Variants in DEFB121 observed in about 807,000 individuals in gnomAD.
DEFB121 encodes the protein defensin beta 121.
Under a neutral mutation model 2.5 loss-of-function variants are expected in DEFB121, and 5 were observed. The observed-to-expected ratio is 1.96, with a 90% confidence interval of 1.03 to 4.13. DEFB121 has a LOEUF of 4.13. Among genes scored for constraint, DEFB121 ranks in the 30% most tolerant of loss-of-function variants. The pLI is 0.00. For missense variants in DEFB121, 87 were observed against 85.0 expected (o/e 1.02, Z -0.09); for synonymous variants, 39 against 32.6 (o/e 1.20, Z -0.67).
chr20:31,406,021 G>A, intron 1 of DEFB121, 74 bp downstream of exon 1: 1 of 1,540,182 alleles, frequency 6.5e-7, no homozygotes, highest in Non-Finnish European at 8.9e-7. Flanking sequence ...AGCCCAACCT[G>A]TCAGAGTCCC....
chr20:31,415,327 G>A (rs1159164260), upstream of DEFB121, among the ~76,000 whole-genome samples: 1 of 150,158 alleles, frequency 6.7e-6, no homozygotes, highest in East Asian at 2.0e-4. Flanking sequence ...TCGGCTCACT[G>A]TAACGTCCGC....
At chr20:31,417,580 A>T (rs1161980333), upstream of DEFB121, among the ~76,000 whole-genome samples, 6 of 152,174 alleles carry the variant, frequency 3.9e-5, no homozygotes, top group African/African-American at 1.4e-4. Context: ...GTAAAGGAAG[A>T]TTGTCCTAAA....
In DEFB121 at chr20:31,412,417, T is replaced by G. The variant is rs540826477; in HGVS notation, n.217+205A>C. Among the ~76,000 whole-genome samples, 60 of 152,346 alleles carry G rather than the reference T, an allele frequency of 3.9e-4. 1 individual carries two copies. Among genetic ancestry groups the G allele is most frequent in the Non-Finnish European group, 6.5e-4 (44 of 68,030 alleles). ...GGGTTCAAATCCTCACTTTGCCACA[T>G]ATTAGCCATGTGACTTTGAACAAGT... is the stretch of plus-strand genomic sequence containing the variant. On this transcript the variant is annotated intron_variant and non_coding_transcript_variant, in intron 1 of 1. Transcript: ENST00000376312.
At chr20:31,413,936 G>A (rs918138472), upstream of DEFB121, among the ~76,000 whole-genome samples, 1 of 152,194 alleles carries the variant, frequency 6.6e-6, no homozygotes, top group Non-Finnish European at 1.5e-5. Flanking sequence ...GGCGGGGTAA[G>A]GTGGCTCACG....
upstream of DEFB121, among the ~76,000 whole-genome samples, chr20:31,415,449 C>T (rs1163343453): frequency 6.6e-6 from 1 of 152,042 alleles, no homozygotes; most frequent in Non-Finnish European, 1.5e-5. Flanking sequence ...AGGGTTTCAC[C>T]ATGTTGGCCA....
At chr20:31,418,281 A>AAG in the DEFB121 span, among the ~76,000 whole-genome samples, 1 of 148,794 alleles carries the variant, frequency 6.7e-6, no homozygotes, top group African/African-American at 2.4e-5. Context: ...AAAAAAAAAA[A>AAG]AGAAAAAAGG....
upstream of DEFB121, among the ~76,000 whole-genome samples, chr20:31,416,630 T>C (rs1290943260): frequency 6.6e-6 from 1 of 152,154 alleles, no homozygotes; most frequent in Non-Finnish European, 1.5e-5. Flanking sequence ...CTTCCAGCAA[T>C]GGAAAAATCA....
upstream of DEFB121, among the ~76,000 whole-genome samples, chr20:31,414,293 C>CAAAGGAAGG (rs988280654): frequency 6.6e-6 from 1 of 151,360 alleles, no homozygotes; most frequent in African/African-American, 2.4e-5. Flanking sequence ...GAAAGGAAGG[C>CAAAGGAAGG]AAAGGAAGGA....
upstream of DEFB121, among the ~76,000 whole-genome samples, chr20:31,413,712 G>A (rs1345413966): frequency 2.0e-5 from 3 of 152,192 alleles, no homozygotes; most frequent in Admixed American, 6.5e-5. Flanking sequence ...CACTGGCTAC[G>A]ACAGTGACAT....
chr20:31,417,140 G>C (rs13041259), upstream of DEFB121, among the ~76,000 whole-genome samples: 1,097 of 152,246 alleles, frequency 7.2e-3, 16 homozygotes, highest in Admixed American at 0.034. Flanking sequence ...GAGGTCAGGA[G>C]TTCAAGACCA....
chr20:31,406,534 C>G (rs1978487760), upstream of DEFB121, among the ~76,000 whole-genome samples: 1 of 152,154 alleles, frequency 6.6e-6, no homozygotes, highest in Non-Finnish European at 1.5e-5. Context: ...TTCTCTGCGC[C>G]TTGGGTTCTT....
chr20:31,410,606 A>G (rs1003008738), upstream of DEFB121, among the ~76,000 whole-genome samples: 4 of 152,178 alleles, frequency 2.6e-5, no homozygotes, highest in Non-Finnish European at 5.9e-5. Context: ...ACAGAGGACT[A>G]AAATAAAGTG....
chr20:31,417,406 T>C (rs546921621), upstream of DEFB121, among the ~76,000 whole-genome samples: 2 of 151,794 alleles, frequency 1.3e-5, no homozygotes, highest in South Asian at 2.1e-4. Context: ...AGTACAAAGA[T>C]GAAATTTCCA....
At chr20:31,414,888 T>TA (rs1476205937), upstream of DEFB121, among the ~76,000 whole-genome samples, 1 of 152,038 alleles carries the variant, frequency 6.6e-6, no homozygotes, top group Non-Finnish European at 1.5e-5. Context: ...TTGTCTCTAT[T>TA]AAAAATAAAA....
At position 31,406,126 on chromosome 20, in the gene DEFB121, A is replaced by G; in HGVS notation, c.27T>C (p.Thr9=). 3 of 1,614,184 alleles carry G rather than the reference A, an allele frequency of 1.9e-6. No individual in the cohort carries two copies. Among genetic ancestry groups the G allele is most frequent in the Non-Finnish European group, 2.5e-6 (3 of 1,180,006 alleles). The part of the protein sequence containing the change: MKLLLLLL[T]VTLLLAQVTP... ...TGACCTGGGCCAGGAGCAGAGTAACAGTCAAAAGCAGAAGAAGGAGCTTCA... is the reference window on the plus strand; with the variant it reads ...TGACCTGGGCCAGGAGCAGAGTAACGGTCAAAAGCAGAAGAAGGAGCTTCA... Residue 9 remains threonine (T), a synonymous_variant, in exon 1 of 2, where the codon ACT becomes ACC. Transcript: ENST00000376314.
At chr20:31,408,988 T>C (rs560910188), upstream of DEFB121, among the ~76,000 whole-genome samples, 4 of 151,420 alleles carry the variant, frequency 2.6e-5, no homozygotes, top group South Asian at 4.2e-4. Flanking sequence ...ATGGTGCCAT[T>C]GCACTCCAGC....
chr20:31,417,188 T>C (rs1600536215), upstream of DEFB121, among the ~76,000 whole-genome samples: 1 of 151,950 alleles, frequency 6.6e-6, no homozygotes, highest in East Asian at 1.9e-4. Context: ...GTACTAACAA[T>C]ACAAAAATTA....
At chr20:31,417,267 C>A (rs909265440), upstream of DEFB121, among the ~76,000 whole-genome samples, 2 of 152,028 alleles carry the variant, frequency 1.3e-5, no homozygotes, top group African/African-American at 2.4e-5. Flanking sequence ...ATTGCTTGAA[C>A]CTGGTAGGTG....
chr20:31,418,259 CAA>C, the DEFB121 span, among the ~76,000 whole-genome samples: 2 of 82,990 alleles, frequency 2.4e-5, no homozygotes, highest in African/African-American at 3.5e-5. Flanking sequence ...GACTCCGTCT[CAA>C]AAAAAAAAAA....
Sources: gnomAD v4.1 joint callset for allele counts (sites outside exome capture counted in the v4.1 genomes callset) on GRCh38, gnomAD v4.1.1 for gene constraint, MANE v1.5 for transcripts, NCBI Gene and HGNC (gene_info 2026-07-23, HGNC 2026-07-21) for gene names.